Variants in CYB5A observed in about 807,000 individuals in gnomAD.
The protein encoded by CYB5A is cytochrome b5.
Under a neutral mutation model 16.2 loss-of-function variants are expected in CYB5A, and 10 were observed. The ratio of observed to expected loss-of-function variants is 0.62; its 90% CI spans 0.38 to 1.04. The LOEUF is 1.04. CYB5A is among the 50% of genes least tolerant of loss of function. CYB5A has a pLI of 0.01. For synonymous variants in CYB5A, 62 were observed against 57.0 expected, an observed-to-expected ratio of 1.09 and a Z score of -0.40; for missense variants, 161 against 165.9, an observed-to-expected ratio of 0.97 and a Z score of 0.16.
intron 1 of CYB5A, among the ~76,000 whole-genome samples, chr18:74,277,065 G>C (rs1982910326): frequency 6.6e-6 from 1 of 150,586 alleles, no homozygotes. Flanking sequence ...TAAACAACAA[G>C]TAGGCAAAAA....
chr18:74,267,714 A>G (rs1362047518), intron 1 of CYB5A, among the ~76,000 whole-genome samples: 1 of 152,232 alleles, frequency 6.6e-6, no homozygotes, highest in Non-Finnish European at 1.5e-5. Flanking sequence ...ATGTGTGGTT[A>G]CACATAGGTA....
Position 74,253,179 on chromosome 18 carries a change from A to G in CYB5A, c.*405T>C, listed in dbSNP as rs780024681. 1.6e-5 allele frequency: 4 copies of G among 244,006 alleles called. No homozygotes were observed. The highest frequency in any genetic ancestry group is 3.2e-5 in the Non-Finnish European group (4 of 123,572). The allele number at this position is 244,006 out of a possible 1,614,324, so 15.1% of individuals were successfully genotyped here. On this transcript the variant is annotated 3_prime_UTR_variant, in exon 5 of 5. Transcript: ENST00000340533. ...GGAGACACTCAAACCTATTTCCCGC[A>G]CCTCCAGTCATATGGCCTCTGTGGG...
intron 1 of CYB5A, among the ~76,000 whole-genome samples, chr18:74,285,768 G>A (rs1448781032): frequency 1.3e-5 from 2 of 150,568 alleles, no homozygotes; most frequent in Non-Finnish European, 2.9e-5. Flanking sequence ...GGGAGGACTG[G>A]TTGAGCCCAG....
At chr18:74,254,386 C>T (rs1179387572) in intron 4 of CYB5A, among the ~76,000 whole-genome samples, 2 of 116,594 alleles carry the variant, frequency 1.7e-5, no homozygotes, top group Non-Finnish European at 3.3e-5. Flanking sequence ...GTGTGGTCCA[C>T]AGGTCTAAAT....
chr18:74,291,573 G>A lies in CYB5A; in HGVS notation c.129+174C>T, dbSNP rs374584329. Among the ~76,000 whole-genome samples, 235 of 150,474 alleles carry A rather than the reference G, an allele frequency of 1.6e-3. 5 individuals carry two copies. The East Asian group carries it at 0.04, about 26-fold the overall frequency. ...GTGGGGGGCGCCCAGGCTTGCACGC[G>A]CAGGTGTGCGGACTCGGAAGCGCGC... On this transcript the variant is annotated intron_variant, in intron 1 of 4. Transcript: ENST00000340533.
At chr18:74,276,763 T>C (rs1229766878) in intron 1 of CYB5A, among the ~76,000 whole-genome samples, 3 of 152,142 alleles carry the variant, frequency 2.0e-5, no homozygotes, top group African/African-American at 7.2e-5. Flanking sequence ...TCCTAACCAC[T>C]GTATGTACTA....
At chr18:74,287,850 T>A (rs888539484) in intron 1 of CYB5A, among the ~76,000 whole-genome samples, 3 of 152,214 alleles carry the variant, frequency 2.0e-5, no homozygotes, top group African/African-American at 7.2e-5. Context: ...GAATAGATGC[T>A]GCTGCCCAAA....
At chr18:74,261,836 G>C (rs1982212028) in intron 2 of CYB5A, among the ~76,000 whole-genome samples, 2 of 152,170 alleles carry the variant, frequency 1.3e-5, no homozygotes, top group Non-Finnish European at 2.9e-5. Flanking sequence ...TGCTCACTTA[G>C]AATGAGGCTA....
intron 3 of CYB5A, chr18:74,256,611 C>T: frequency 3.6e-6 from 2 of 555,566 alleles, no homozygotes; most frequent in Non-Finnish European, 6.4e-6. Context: ...TTTGATGTTC[C>T]ACACCAACAT....
rs1272887380 is a variant in CYB5A at position 74,251,161 on chromosome 18, C to G, written c.*2423G>C. 1 of 147,762 alleles carries G rather than the reference C, an allele frequency of 6.8e-6. No individual in the cohort carries two copies. The highest frequency in any genetic ancestry group is 2.5e-5 in the African/African-American group (1 of 39,284). The allele number at this position is 147,762 out of a possible 1,614,324, so 9.2% of individuals were successfully genotyped here. A position where few individuals can be genotyped will look rare whatever the true frequency, so the allele number is the denominator to read the frequency against. On this transcript the variant is annotated 3_prime_UTR_variant, in exon 5 of 5. Coordinates refer to ENST00000340533, the MANE Select transcript of CYB5A (RefSeq NM_148923.4). Reference sequence around the variant, plus strand: ...CTCCAGCCTGGGCGACAGAGTGAGACTCTGTCTCAAAAACAAAAAAAAAAA... The same window carrying G: ...CTCCAGCCTGGGCGACAGAGTGAGAGTCTGTCTCAAAAACAAAAAAAAAAA...
intron 1 of CYB5A, among the ~76,000 whole-genome samples, chr18:74,280,546 C>G (rs1199905064): frequency 6.6e-6 from 1 of 150,786 alleles, no homozygotes; most frequent in Non-Finnish European, 1.5e-5. Flanking sequence ...CCATTGCACT[C>G]CAGCCTGAGT....
At chr18:74,267,154 C>G (rs924568982) in intron 1 of CYB5A, among the ~76,000 whole-genome samples, 1 of 151,224 alleles carries the variant, frequency 6.6e-6, no homozygotes. Context: ...TTAATAAGCA[C>G]ACATCACTTT....
At chr18:74,255,301 T>C (rs1981930311) in intron 4 of CYB5A, among the ~76,000 whole-genome samples, 1 of 152,310 alleles carries the variant, frequency 6.6e-6, no homozygotes, top group South Asian at 2.1e-4. Flanking sequence ...GTGCTACACA[T>C]AGATTACCAG....
rs1981784114 is a variant in CYB5A, at chr18:74,251,808, C to A, written c.*1776G>T. ...GAAGAAACATTGCCAGCCACAGCAG[C>A]AAATTGCTGAGTCACTGATAAAAAT... is the stretch of plus-strand genomic sequence containing the variant. On this transcript the variant is annotated 3_prime_UTR_variant, in exon 5 of 5. Transcript: ENST00000340533. The A allele has an allele frequency of 6.6e-6, 1 of 152,222 alleles. No individual in the cohort carries two copies. The highest frequency in any genetic ancestry group is 1.5e-5 in the Non-Finnish European group (1 of 68,042). 9.4% of individuals were successfully genotyped at this position (152,222 alleles called of 1,614,324 possible). A position where few individuals can be genotyped will look rare whatever the true frequency, so the allele number is the denominator to read the frequency against.
At chr18:74,280,574 T>C (rs1983057727) in intron 1 of CYB5A, among the ~76,000 whole-genome samples, 1 of 141,564 alleles carries the variant, frequency 7.1e-6, no homozygotes, top group South Asian at 2.4e-4. Flanking sequence ...TAAGACCCTG[T>C]CTCAAAAAAA....
At chr18:74,277,825 G>A (rs778440217) in intron 1 of CYB5A, among the ~76,000 whole-genome samples, 3 of 152,184 alleles carry the variant, frequency 2.0e-5, no homozygotes, top group Non-Finnish European at 4.4e-5. Flanking sequence ...GTGTCATGGA[G>A]GATACAGGGG....
At chr18:74,280,482 G>A (rs1983053886) in intron 1 of CYB5A, among the ~76,000 whole-genome samples, 1 of 151,348 alleles carries the variant, frequency 6.6e-6, no homozygotes, top group Non-Finnish European at 1.5e-5. Flanking sequence ...GGAGGCTGAG[G>A]TTGGAGAATC....
At chr18:74,263,238 G>C in intron 2 of CYB5A, 111 bp downstream of exon 2, 7 of 1,385,900 alleles carry the variant, frequency 5.1e-6, no homozygotes, top group Non-Finnish European at 7.1e-6. Flanking sequence ...ATCAGGAGTT[G>C]TTTTTGCTTT....
At chr18:74,254,136 C>T (rs1329080861) in intron 4 of CYB5A, among the ~76,000 whole-genome samples, 2 of 152,110 alleles carry the variant, frequency 1.3e-5, no homozygotes, top group African/African-American at 2.4e-5. Context: ...GCCGAGATCA[C>T]GCCACTGCAC....
Sources: allele counts gnomAD v4.1 joint callset (sites outside exome capture counted in the v4.1 genomes callset), GRCh38; gene constraint gnomAD v4.1.1; transcripts MANE v1.5; gene names NCBI Gene and HGNC (gene_info 2026-07-23, HGNC 2026-07-21).